CADPS2: variants seen among roughly 807,000 people sequenced by gnomAD.
The protein encoded by CADPS2 is calcium dependent secretion activator 2.
Under a neutral mutation model 172.5 loss-of-function variants are expected in CADPS2, and 93 were observed. The ratio of observed to expected loss-of-function variants is 0.54; its 90% confidence interval spans 0.46 to 0.64. The LOEUF is 0.64. Among genes scored for constraint, CADPS2 ranks in the 30% least tolerant of loss-of-function variants. The probability of loss-of-function intolerance (pLI) is 0.00; values close to 1 mark genes in which losing one functional copy is unlikely to be tolerated. For missense variants in CADPS2, 1,420 were observed against 1,565.9 expected (o/e 0.91, Z 1.57); for synonymous variants, 546 against 555.2 (o/e 0.98, Z 0.23).
intron 2 of CADPS2, among the ~76,000 whole-genome samples, chr7:122,687,677 C>T (rs2083814207): frequency 6.6e-6 from 1 of 152,204 alleles, no homozygotes. Flanking sequence ...CCACCCCTCC[C>T]TCTATTCCTA....
intron 17 of CADPS2, among the ~76,000 whole-genome samples, chr7:122,429,170 GT>G (rs2151878297): frequency 6.6e-6 from 1 of 151,848 alleles, no homozygotes; most frequent in African/African-American, 2.4e-5. Flanking sequence ...GATATTAAAA[GT>G]GGTGATATTT....
chr7:122,420,628 T>C (rs958913928), intron 17 of CADPS2, among the ~76,000 whole-genome samples: 3 of 152,246 alleles, frequency 2.0e-5, no homozygotes, highest in African/African-American at 7.2e-5. Flanking sequence ...TTAAAATGTT[T>C]GTTTTCACTC....
At chr7:122,838,308 C>T (rs188755676) in intron 1 of CADPS2, among the ~76,000 whole-genome samples, 12 of 152,238 alleles carry the variant, frequency 7.9e-5, no homozygotes, top group African/African-American at 2.9e-4. Flanking sequence ...TTATGACAAA[C>T]CCACAGCCAA....
chr7:122,678,874 G>GAAC (rs2082663568), intron 2 of CADPS2, among the ~76,000 whole-genome samples: 1 of 151,524 alleles, frequency 6.6e-6, no homozygotes, highest in African/African-American at 2.4e-5. Flanking sequence ...AACCATGGCA[G>GAAC]AACATAAATT....
chr7:122,393,160 T>A lies in CADPS2; in HGVS notation c.3008+36A>T, dbSNP rs940955717. The A allele has an allele frequency of 1.9e-6, 3 of 1,607,814 alleles. No homozygotes were observed. In the South Asian group the frequency reaches 3.3e-5, roughly 18 times the overall value. On this transcript the variant is annotated intron_variant, in intron 22 of 29. Coordinates refer to ENST00000449022, the MANE Select transcript of CADPS2 (RefSeq NM_017954.11). ...AACACAGCCCAGGCCATGCACCAGC[T>A]AACACACCACCAGGAAATAAGTGAG...
chr7:122,505,327 T>C (rs942534299), intron 9 of CADPS2, among the ~76,000 whole-genome samples: 5 of 152,200 alleles, frequency 3.3e-5, no homozygotes, highest in Non-Finnish European at 7.3e-5. Context: ...ATAAGTATTG[T>C]ATCTCTAGCT....
At chr7:122,836,684 C>T (rs2140801621) in intron 1 of CADPS2, among the ~76,000 whole-genome samples, 1 of 152,158 alleles carries the variant, frequency 6.6e-6, no homozygotes, top group East Asian at 1.9e-4. Context: ...ACAAAGAAGG[C>T]CATTACATAA....
At chr7:122,655,616 T>A (rs1262315610) in intron 3 of CADPS2, among the ~76,000 whole-genome samples, 1 of 152,016 alleles carries the variant, frequency 6.6e-6, no homozygotes, top group Non-Finnish European at 1.5e-5. Context: ...AAAAAAAAAT[T>A]GTGTGACCTG....
chr7:122,753,321 A>G (rs1024406948), intron 1 of CADPS2, among the ~76,000 whole-genome samples: 8 of 152,200 alleles, frequency 5.3e-5, no homozygotes, highest in Admixed American at 2.0e-4. Flanking sequence ...CTATGACTAC[A>G]TTCACCCTAC....
chr7:122,729,608 T>C (rs549941778), intron 2 of CADPS2, among the ~76,000 whole-genome samples: 3 of 151,620 alleles, frequency 2.0e-5, no homozygotes, highest in East Asian at 3.9e-4. Context: ...TTTTTTCATA[T>C]ACATGTTGGC....
chr7:122,762,299 A>G (rs2093415741), intron 1 of CADPS2, among the ~76,000 whole-genome samples: 1 of 152,074 alleles, frequency 6.6e-6, no homozygotes, highest in African/African-American at 2.4e-5. Context: ...GAATTCCAGA[A>G]AGAGAGAAGA....
rs750249393 is a variant in CADPS2 at position 122,474,480 on chromosome 7, A to G, written c.1899T>C (p.Phe633=). 1 of 1,613,350 alleles carries G rather than the reference A, an allele frequency of 6.2e-7. No homozygotes were observed. Among genetic ancestry groups the G allele is most frequent in the South Asian group, 1.1e-5 (1 of 91,068 alleles). Residue 633 remains phenylalanine (F), a synonymous_variant, in exon 13 of 30, where the codon TTT becomes TTC. Transcript: ENST00000449022. ...CAAGCTTGCAGGGGTTTGCAGAAAT[A>G]AACTCATCCATACCATGTTTCTGAA... ...DRFQKHGMDE[F]ISANPCKLDH...
At chr7:122,770,319 GA>G (rs1192576858) in intron 1 of CADPS2, among the ~76,000 whole-genome samples, 4 of 151,842 alleles carry the variant, frequency 2.6e-5, no homozygotes, top group Non-Finnish European at 5.9e-5. Context: ...TACTGTTATA[GA>G]AAAAAAGTAT....
chr7:122,724,275 AT>A (rs1302601222), intron 2 of CADPS2, among the ~76,000 whole-genome samples: 1 of 152,010 alleles, frequency 6.6e-6, no homozygotes, highest in African/African-American at 2.4e-5. Flanking sequence ...TGCCTTGTTC[AT>A]CTTTTTATTT....
intron 6 of CADPS2, among the ~76,000 whole-genome samples, chr7:122,612,950 T>G (rs991108317): frequency 2.6e-5 from 4 of 152,096 alleles, no homozygotes; most frequent in African/African-American, 9.7e-5. Context: ...AAGGAAAGAA[T>G]AGGTTTTTCA....
At chr7:122,783,663 C>G (rs760339665) in intron 1 of CADPS2, among the ~76,000 whole-genome samples, 9 of 152,272 alleles carry the variant, frequency 5.9e-5, no homozygotes, top group African/African-American at 2.2e-4. Context: ...CTAGTGAGAC[C>G]CACATTTATT....
intron 1 of CADPS2, among the ~76,000 whole-genome samples, chr7:122,840,127 T>A (rs1459194814): frequency 6.6e-6 from 1 of 152,134 alleles, no homozygotes; most frequent in African/African-American, 2.4e-5. Context: ...ATGTCCTTTG[T>A]AGGGACATGG....
At chr7:122,406,604 G>C (rs940402636) in intron 20 of CADPS2, among the ~76,000 whole-genome samples, 1 of 152,138 alleles carries the variant, frequency 6.6e-6, no homozygotes, top group African/African-American at 2.4e-5. Flanking sequence ...TTCAGGGTAA[G>C]GTGATGAGAA....
At chr7:122,694,991 T>G (rs2136122207) in intron 2 of CADPS2, among the ~76,000 whole-genome samples, 1 of 152,212 alleles carries the variant, frequency 6.6e-6, no homozygotes, top group African/African-American at 2.4e-5. Context: ...GGTGAAGGGG[T>G]TTAAATCCCA....
Sources: gnomAD v4.1 joint callset for allele counts (sites outside exome capture counted in the v4.1 genomes callset) on GRCh38, gnomAD v4.1.1 for gene constraint, MANE v1.5 for transcripts, NCBI Gene and HGNC (gene_info 2026-07-23, HGNC 2026-07-21) for gene names.